Variants in MAEA observed in about 807,000 individuals in gnomAD.
MAEA encodes the protein E3 ubiquitin-protein transferase MAEA.
Under a neutral mutation model 46.2 loss-of-function variants are expected in MAEA, and 22 were observed. The observed-to-expected ratio is 0.48, with a 90% CI of 0.34 to 0.68. The LOEUF (loss-of-function observed/expected upper bound fraction) is 0.68, where lower values mean the gene tolerates loss of function less well. MAEA is among the 30% of genes least tolerant of loss of function. The pLI, the probability that MAEA is intolerant of heterozygous loss-of-function variation, is 0.01. For synonymous variants in MAEA, 246 were observed against 222.6 expected (o/e 1.11, Z -0.94); for missense variants, 393 against 558.1 (o/e 0.70, Z 2.98).
At chr4:1,325,545 AC>A (rs1037155182) in intron 4 of MAEA, among the ~76,000 whole-genome samples, 1 of 152,184 alleles carries the variant, frequency 6.6e-6, no homozygotes, top group Non-Finnish European at 1.5e-5. Flanking sequence ...TGAAGCGGTA[AC>A]CTAGAGTGGG....
intron 1 of MAEA, among the ~76,000 whole-genome samples, chr4:1,301,983 C>G (rs772993522): frequency 4.3e-4 from 65 of 152,132 alleles, no homozygotes; most frequent in Non-Finnish European, 1.8e-4. Flanking sequence ...GGATTACATC[C>G]CACCTCCTTC....
chr4:1,337,380 C>T (rs1712918717), intron 7 of MAEA: 1 of 273,084 alleles, frequency 3.7e-6, no homozygotes, highest in Admixed American at 5.1e-5. Flanking sequence ...TCTGTCCCAC[C>T]TGTGACCGAC....
At chr4:1,317,532 A>C (rs1470984203) in intron 3 of MAEA, among the ~76,000 whole-genome samples, 1 of 151,762 alleles carries the variant, frequency 6.6e-6, no homozygotes, top group East Asian at 2.0e-4. Context: ...CCACTGCTGC[A>C]CAGCCTCCCT....
rs1560368750 is a variant in MAEA at position 1,322,943 on chromosome 4, C to CCTTTTTTTTTTTTTTTTTTTTTTTTTTTT, written c.579+440_579+441insCTTTTTTTTTTTTTTTTTTTTTTTTTTTT. Among the ~76,000 whole-genome samples the CCTTTTTTTTTTTTTTTTTTTTTTTTTTTT allele has an allele frequency of 4.0e-5, 3 of 75,246 alleles. 1 individual carries two copies. The allele number at this position is 75,246 out of a possible 152,430, so 49.4% of individuals were successfully genotyped here. ...CTGTGATATTGTTAATGAATACCCA[C>CCTTTTTTTTTTTTTTTTTTTTTTTTTTTT]TTTTTTTTTTTTTTTTTTTTTTTTT... On this transcript the variant is annotated intron_variant, in intron 4 of 8. Transcript: ENST00000303400.
chr4:1,324,092 C>T (rs1038165525), intron 4 of MAEA, among the ~76,000 whole-genome samples: 1 of 150,520 alleles, frequency 6.6e-6, no homozygotes, highest in East Asian at 2.0e-4. Context: ...AGATTGGATG[C>T]CTGGTGGATG....
In MAEA at chr4:1,329,223, A is replaced by G. The variant is rs999079168; in HGVS notation, c.656+1520A>G. Reference sequence around the variant, plus strand: ...GTTACCCCCACTCCGCATAGGGTCTATTTGCCTGTGTTACCCTGGCTCCGT... The same window carrying G: ...GTTACCCCCACTCCGCATAGGGTCTGTTTGCCTGTGTTACCCTGGCTCCGT... On this transcript the variant is annotated intron_variant, in intron 5 of 8. Transcript: ENST00000303400. The G allele has an allele frequency of 4.0e-5, 39 of 985,054 alleles. No homozygotes were observed. The East Asian group carries it at 4.6e-4, about 11-fold the overall frequency. 61.0% of individuals were successfully genotyped at this position (985,054 alleles called of 1,614,324 possible).
At chr4:1,318,778 G>A (rs1414500996) in intron 3 of MAEA, among the ~76,000 whole-genome samples, 3 of 152,166 alleles carry the variant, frequency 2.0e-5, no homozygotes, top group East Asian at 1.9e-4. Context: ...GAATTCCCAC[G>A]TGGGACCCCA....
chr4:1,297,473 A>G (rs780405204), intron 1 of MAEA, among the ~76,000 whole-genome samples: 18 of 104,428 alleles, frequency 1.7e-4, no homozygotes, highest in Non-Finnish European at 2.7e-4. Context: ...GTGTGTGTGT[A>G]TACATACATA....
chr4:1,298,101 C>T (rs1186918363), intron 1 of MAEA: 1 of 456,234 alleles, frequency 2.2e-6, no homozygotes, highest in South Asian at 1.5e-5. Context: ...GGCATTTTAG[C>T]ACCCTGTACC....
intron 1 of MAEA, among the ~76,000 whole-genome samples, chr4:1,292,137 T>TG (rs1205188169): frequency 6.6e-6 from 1 of 151,770 alleles, no homozygotes; most frequent in Non-Finnish European, 1.5e-5. Flanking sequence ...TTGTGGAAGG[T>TG]GGGGGGTGGA....
At chr4:1,327,296 C>T (rs1197737641) in intron 4 of MAEA, among the ~76,000 whole-genome samples, 2 of 152,254 alleles carry the variant, frequency 1.3e-5, no homozygotes, top group African/African-American at 4.8e-5. Context: ...TTTGCTCCAG[C>T]AGCTGCACCT....
chr4:1,291,372 TG>T (rs1734092446), intron 1 of MAEA, among the ~76,000 whole-genome samples: 1 of 152,180 alleles, frequency 6.6e-6, no homozygotes, highest in African/African-American at 2.4e-5. Context: ...GGGAGGGCAA[TG>T]TTGCTGACGT....
intron 1 of MAEA, among the ~76,000 whole-genome samples, chr4:1,296,690 T>G (rs899122135): frequency 1.3e-5 from 2 of 151,628 alleles, no homozygotes; most frequent in Admixed American, 1.3e-4. Context: ...CCCCTTCATG[T>G]CTCTCTTCCT....
chr4:1,307,161 A>T (rs543981780), intron 1 of MAEA, among the ~76,000 whole-genome samples: 2 of 152,348 alleles, frequency 1.3e-5, no homozygotes, highest in South Asian at 2.1e-4. Context: ...TTATATATGT[A>T]TACAATTTGC....
chr4:1,315,749 C>A (rs1335736125), intron 3 of MAEA, 149 bp downstream of exon 3: 5 of 563,508 alleles, frequency 8.9e-6, no homozygotes, highest in Admixed American at 2.6e-5. Flanking sequence ...CCCCTCCCCC[C>A]ACCCCCGTGT....
chr4:1,311,919 T>G lies in MAEA; in HGVS notation c.70-60T>G. On this transcript the variant is annotated intron_variant, in intron 1 of 8. Coordinates refer to ENST00000303400, the MANE Select transcript of MAEA (RefSeq NM_001017405.3). This position sits in a 1 kb window ranked among gnomAD's most constrained non-coding sequence, Gnocchi z 4.4. ...GAGGAGACCTGGTGTGTCCTGGGTG[T>G]GGGGCTGGTGGGGCTCACACCAGGG... The G allele has an allele frequency of 6.7e-7, 1 of 1,495,506 alleles. No individual in the cohort carries two copies. The highest frequency in any genetic ancestry group is 9.2e-7 in the Non-Finnish European group (1 of 1,088,994). 92.6% of individuals were successfully genotyped at this position (1,495,506 alleles called of 1,614,324 possible).
At chr4:1,300,868 C>T (rs76926287) in intron 1 of MAEA, among the ~76,000 whole-genome samples, 5,432 of 152,252 alleles carry the variant, frequency 0.036, 110 homozygotes, top group Middle Eastern at 0.065. Context: ...TTAGGGGATT[C>T]GAAGCGTTTT....
intron 5 of MAEA, chr4:1,329,720 C>T (rs1272103601): frequency 6.1e-6 from 6 of 985,708 alleles, no homozygotes; most frequent in Middle Eastern, 5.2e-4. Flanking sequence ...GGTGGGGCAT[C>T]GGCAGGACGT....
intron 3 of MAEA, among the ~76,000 whole-genome samples, chr4:1,321,191 C>A (rs554510597): frequency 6.6e-6 from 1 of 151,802 alleles, no homozygotes; most frequent in South Asian, 2.1e-4. Context: ...TATGAAGGGG[C>A]TTCAGAAAAG....
Sources: gnomAD v4.1 joint callset for allele counts (sites outside exome capture counted in the v4.1 genomes callset) on GRCh38, gnomAD v4.1.1 for gene constraint, Gnocchi (gnomAD v3.1) non-coding constraint, MANE v1.5 for transcripts, NCBI Gene and HGNC (gene_info 2026-07-23, HGNC 2026-07-21) for gene names.